The following CBFA2T3 variants were observed in gnomAD, a reference collection of about 807,000 sequenced individuals.
CBFA2T3 encodes the protein transcriptional corepressor CBFA2T3.
In CBFA2T3, 31 loss-of-function variants were observed where a neutral mutation model predicts 58.6. The observed-to-expected ratio is 0.53, with a 90% CI of 0.40 to 0.71. The LOEUF is 0.71. CBFA2T3 is among the 30% of genes least tolerant of loss of function. The pLI is 0.00. For synonymous variants in CBFA2T3, 531 were observed against 421.9 expected, an observed-to-expected ratio of 1.26 and a Z score of -3.17; for missense variants, 1,076 against 963.1, an observed-to-expected ratio of 1.12 and a Z score of -1.55.
chr16:88,886,219 G>A, intron 5 of CBFA2T3, 77 bp from the exon 6 acceptor site: 1 of 1,144,050 alleles, frequency 8.7e-7, no homozygotes, highest in Non-Finnish European at 1.2e-6. Context: ...GAGGGGGCCT[G>A]GGCTGGGTGG....
intron 5 of CBFA2T3, among the ~76,000 whole-genome samples, chr16:88,891,680 C>G (rs576608717): frequency 6.6e-6 from 1 of 152,310 alleles, no homozygotes; most frequent in African/African-American, 2.4e-5. Context: ...GGAGTCAACC[C>G]TGACTAGTCA....
chr16:88,964,641 G>A (rs117956427), intron 1 of CBFA2T3, among the ~76,000 whole-genome samples: 1 of 152,290 alleles, frequency 6.6e-6, no homozygotes, highest in East Asian at 1.9e-4. Context: ...TACTGTATGT[G>A]TGTATAAGAA....
intron 1 of CBFA2T3, among the ~76,000 whole-genome samples, chr16:88,914,013 G>C (rs887528285): frequency 1.6e-4 from 24 of 152,186 alleles, no homozygotes; most frequent in Non-Finnish European, 2.8e-4. Flanking sequence ...CACTTCCTCA[G>C]CAAGCGTGCA....
intron 1 of CBFA2T3, among the ~76,000 whole-genome samples, chr16:88,911,154 G>A (rs1970518418): frequency 6.6e-6 from 1 of 152,248 alleles, no homozygotes; most frequent in Non-Finnish European, 1.5e-5. Flanking sequence ...CCTGACCCAG[G>A]GCGGACCCTT....
chr16:88,941,580 A>C (rs117991761), intron 1 of CBFA2T3, among the ~76,000 whole-genome samples: 3 of 146,692 alleles, frequency 2.0e-5, no homozygotes, highest in Admixed American at 6.7e-5. Context: ...CGCCGGGAGC[A>C]GGGAGAGGGG....
chr16:88,964,940 CCA>C (rs1211769458), intron 1 of CBFA2T3, among the ~76,000 whole-genome samples: 7 of 151,026 alleles, frequency 4.6e-5, no homozygotes, highest in Non-Finnish European at 8.8e-5. Flanking sequence ...ATCCATCCAT[CCA>C]TCCATCCATC....
At chr16:88,957,158 G>A (rs989541015) in intron 1 of CBFA2T3, among the ~76,000 whole-genome samples, 4 of 152,318 alleles carry the variant, frequency 2.6e-5, no homozygotes, top group East Asian at 3.9e-4. Context: ...ATCATCACAC[G>A]AGATTGGTTG....
At chr16:88,901,762 G>A in intron 1 of CBFA2T3, 106 bp from the exon 2 acceptor site, 1 of 1,030,854 alleles carries the variant, frequency 9.7e-7, no homozygotes, top group Non-Finnish European at 1.3e-6. Context: ...TGTCCGCCCA[G>A]CGCTGGGGCA....
chr16:88,977,168 G>A lies in CBFA2T3; in HGVS notation c.-361C>T, dbSNP rs1972885240. 1 of 285,142 alleles carries A rather than the reference G, an allele frequency of 3.5e-6. No homozygotes were observed. Among genetic ancestry groups the A allele is most frequent in the Non-Finnish European group, 6.7e-6 (1 of 149,554 alleles). 17.7% of individuals were successfully genotyped at this position (285,142 alleles called of 1,614,324 possible). A position where few individuals can be genotyped will look rare whatever the true frequency, so the allele number is the denominator to read the frequency against. ...ACTTCCCTGACAGGAACCATCTGGG[G>A]CCCTGCCCTGCGCGGCCTTCCCTCG... On this transcript the variant is annotated 5_prime_UTR_variant, in exon 1 of 12. Coordinates refer to ENST00000268679, the MANE Select transcript of CBFA2T3 (RefSeq NM_005187.6).
chr16:88,901,741 G>T (rs1970107368), intron 1 of CBFA2T3, 85 bp from the exon 2 acceptor site: 5 of 1,255,724 alleles, frequency 4.0e-6, no homozygotes, highest in South Asian at 1.6e-5. Flanking sequence ...CCCAGCGAAG[G>T]CCCCACTGAG....
At position 88,894,617 on chromosome 16, in the gene CBFA2T3, A is replaced by ACG. The variant is rs1473409001; in HGVS notation, c.380-2133_380-2132insCG. On this transcript the variant is annotated intron_variant, in intron 3 of 11. Coordinates refer to ENST00000268679, the MANE Select transcript of CBFA2T3 (RefSeq NM_005187.6). ...ACATGCACACAATGTACACACATGCACACACACATGCACGGCTATGATGTA... is the reference window on the plus strand; with the variant it reads ...ACATGCACACAATGTACACACATGCACGCACACACATGCACGGCTATGATGTA... Among the ~76,000 whole-genome samples, 10 of 151,710 alleles carry ACG rather than the reference A, an allele frequency of 6.6e-5. 1 individual carries two copies. The highest frequency in any genetic ancestry group is 2.1e-4 in the South Asian group (1 of 4,802).
chr16:88,910,296 G>A (rs897408842), intron 1 of CBFA2T3, among the ~76,000 whole-genome samples: 1 of 152,110 alleles, frequency 6.6e-6, no homozygotes, highest in East Asian at 1.9e-4. Flanking sequence ...CTTCACCCTG[G>A]CTCCCCTCCT....
Position 88,975,058 on chromosome 16 carries a change from C to G in CBFA2T3, c.151+1599G>C, listed in dbSNP as rs995145115. 2.7e-5 allele frequency among the ~76,000 whole-genome samples: 4 copies of G among 149,672 alleles called. No homozygotes were observed. In the East Asian group the frequency reaches 8.1e-4, roughly 30 times the overall value. ...CTGCTCCCTCCTCACATTGCAGCCCCTAAGCAGGGGCTCCCTGGGGGTGGG... is the reference window on the plus strand; with the variant it reads ...CTGCTCCCTCCTCACATTGCAGCCCGTAAGCAGGGGCTCCCTGGGGGTGGG... On this transcript the variant is annotated intron_variant, in intron 1 of 11. Coordinates refer to ENST00000268679, the MANE Select transcript of CBFA2T3 (RefSeq NM_005187.6).
intron 1 of CBFA2T3, among the ~76,000 whole-genome samples, chr16:88,927,617 G>A (rs2142755956): frequency 6.6e-6 from 1 of 152,304 alleles, no homozygotes; most frequent in South Asian, 2.1e-4. Context: ...ATAATCTCCG[G>A]GCTGCTCTGG....
chr16:88,952,420 A>G (rs963708978), intron 1 of CBFA2T3, among the ~76,000 whole-genome samples: 3 of 151,868 alleles, frequency 2.0e-5, no homozygotes, highest in Non-Finnish European at 4.4e-5. Flanking sequence ...CGGGGCACCA[A>G]AATGGCTTTC....
At chr16:88,886,231 C>A (rs370907170) in intron 5 of CBFA2T3, 89 bp from the exon 6 acceptor site, 1 of 993,312 alleles carries the variant, frequency 1.0e-6, no homozygotes, top group Non-Finnish European at 1.4e-6. Context: ...GCTGGGTGGC[C>A]GAAAGCTCAA....
intron 1 of CBFA2T3, among the ~76,000 whole-genome samples, chr16:88,932,217 C>T (rs1193700402): frequency 1.7e-5 from 2 of 117,646 alleles, no homozygotes; most frequent in Admixed American, 7.9e-5. Context: ...ACACGGCCCC[C>T]GCTTCCCCCT....
chr16:88,932,105 C>A (rs1013716097), intron 1 of CBFA2T3, among the ~76,000 whole-genome samples: 4 of 152,142 alleles, frequency 2.6e-5, no homozygotes, highest in African/African-American at 9.7e-5. Flanking sequence ...CAACGGCACC[C>A]GACGCAGTGA....
intron 1 of CBFA2T3, among the ~76,000 whole-genome samples, chr16:88,911,448 G>A (rs913787311): frequency 1.3e-5 from 2 of 152,234 alleles, no homozygotes; most frequent in African/African-American, 2.4e-5. Flanking sequence ...AAAGGCTTTC[G>A]TAAACTCAAA....
Sources: allele counts gnomAD v4.1 joint callset (sites outside exome capture counted in the v4.1 genomes callset), GRCh38; gene constraint gnomAD v4.1.1; transcripts MANE v1.5; gene names NCBI Gene and HGNC (gene_info 2026-07-23, HGNC 2026-07-21).